PAK3: variants seen among roughly 807,000 people sequenced by gnomAD.
The protein encoded by PAK3 is serine/threonine-protein kinase PAK 3.
PAK3 carries 4 observed loss-of-function variants against 41.0 expected under a neutral mutation model. That is an observed-to-expected ratio of 0.10 (90% CI 0.05 to 0.22). The LOEUF is 0.22. Among genes scored for constraint, PAK3 ranks in the 10% least tolerant of loss-of-function variants. The probability of loss-of-function intolerance (pLI) is 1.00; values close to 1 mark genes in which losing one functional copy is unlikely to be tolerated. For synonymous variants in PAK3, 146 were observed against 139.6 expected, an observed-to-expected ratio of 1.05 and a Z score of -0.32; for missense variants, 205 against 409.9, an observed-to-expected ratio of 0.50 and a Z score of 4.32.
intron 1 of PAK3, among the ~76,000 whole-genome samples, chrX:111,012,604 A>C (rs1322001115): frequency 2.7e-5 from 3 of 112,297 alleles, no homozygotes; most frequent in African/African-American, 9.7e-5. Context: ...AGGCTGGAAA[A>C]GTAAGGTGAG....
intron 4 of PAK3, among the ~76,000 whole-genome samples, chrX:111,106,258 A>G (rs1030483382): frequency 2.7e-5 from 3 of 112,013 alleles, no homozygotes; most frequent in Admixed American, 1.9e-4. Flanking sequence ...GTGCACATAT[A>G]ATGACATGCA....
intron 1 of PAK3, among the ~76,000 whole-genome samples, chrX:110,982,238 C>A (rs768481396): frequency 2.7e-5 from 3 of 111,512 alleles, no homozygotes; most frequent in African/African-American, 9.8e-5. Flanking sequence ...GAAAATAGAA[C>A]GATATATTTG....
At chrX:111,034,826 C>T (rs1015750924) in intron 1 of PAK3, among the ~76,000 whole-genome samples, 1 of 110,822 alleles carries the variant, frequency 9.0e-6, no homozygotes, top group African/African-American at 3.3e-5. Flanking sequence ...GGTGGCTGGG[C>T]GCAGTGGCTC....
intron 1 of PAK3, among the ~76,000 whole-genome samples, chrX:110,990,641 G>GT (rs201342668): frequency 2.1e-4 from 22 of 106,009 alleles, no homozygotes; most frequent in African/African-American, 7.7e-4. Flanking sequence ...GCTGGCAGGA[G>GT]TTAAAAAAAA....
intron 1 of PAK3, among the ~76,000 whole-genome samples, chrX:111,060,541 G>A (rs964469298): frequency 9.0e-5 from 10 of 111,418 alleles, no homozygotes; most frequent in Non-Finnish European, 1.9e-4. Flanking sequence ...CACCAGTGAA[G>A]ACTTCTTGTC....
chrX:111,124,875 G>A (rs201188882), intron 5 of PAK3, among the ~76,000 whole-genome samples: 1 of 106,656 alleles, frequency 9.4e-6, no homozygotes, highest in Non-Finnish European at 1.9e-5. Context: ...CTACTTAAAA[G>A]AAAAAAAAAT....
chrX:111,101,182 T>C (rs1020555301), intron 3 of PAK3, among the ~76,000 whole-genome samples: 3 of 112,054 alleles, frequency 2.7e-5, no homozygotes, highest in African/African-American at 9.8e-5. Context: ...ATGGTAGATA[T>C]GACACAGCAC....
At chrX:111,201,953 G>T (rs1199649075) in intron 16 of PAK3, among the ~76,000 whole-genome samples, 2 of 110,272 alleles carry the variant, frequency 1.8e-5, no homozygotes, top group African/African-American at 6.6e-5. Context: ...GTTGGATTCA[G>T]CACTCTCCTA....
chrX:110,991,273 C>A (rs1390695945), intron 1 of PAK3, among the ~76,000 whole-genome samples: 2 of 112,282 alleles, frequency 1.8e-5, no homozygotes, highest in Non-Finnish European at 3.8e-5. Flanking sequence ...CTTTTCTCAG[C>A]TTTAAATTAC....
upstream of PAK3, among the ~76,000 whole-genome samples, chrX:111,094,080 CTT>C (rs1181572577): frequency 4.0e-5 from 4 of 100,908 alleles, no homozygotes; most frequent in Non-Finnish European, 6.1e-5. Context: ...GATGTGGTTG[CTT>C]TTTTTTTTTA....
Position 111,142,103 on chromosome X carries a change from G to A in PAK3, c.183G>A (p.Lys61=). ...IFPGGGDKTN[K]KKEKERPEIS... The stretch of plus-strand genomic sequence containing the variant: ...TTAACATTTTGCCTTTAGCCAATAA[G>A]AAGAAGGAGAAAGAGCGCCCAGAGA... The change falls in exon 6 of 18, where the codon AAG becomes AAA. Residue 61 remains lysine (K), a synonymous_variant. Coordinates refer to ENST00000372007, the MANE Select transcript of PAK3 (RefSeq NM_002578.5). 6 of 1,175,446 alleles carry A rather than the reference G, an allele frequency of 5.1e-6. No individual in the cohort carries two copies. Among genetic ancestry groups the A allele is most frequent in the Non-Finnish European group, 7.0e-6 (6 of 862,546 alleles).
chrX:111,055,608 G>A (rs898498039), intron 1 of PAK3, among the ~76,000 whole-genome samples: 31 of 112,274 alleles, frequency 2.8e-4, no homozygotes, highest in African/African-American at 8.7e-4. Flanking sequence ...TCAAGCCTGT[G>A]AAACCACTCA....
chrX:111,135,614 G>T (rs1353544541), intron 5 of PAK3, among the ~76,000 whole-genome samples: 3 of 111,410 alleles, frequency 2.7e-5, no homozygotes, highest in African/African-American at 9.8e-5. Context: ...CTAAGAAAGA[G>T]TTGTATGAAA....
rs377391116 is a variant in PAK3, at chrX:111,163,060, G to C, written c.600+14G>C. On this transcript the variant is annotated intron_variant, in intron 9 of 17. Transcript: ENST00000372007. ...CATACAAAATCAGTAAGTCACAAAGGACTATTTCCAAATGATTCAAAAGAT... is the reference window on the plus strand; with the variant it reads ...CATACAAAATCAGTAAGTCACAAAGCACTATTTCCAAATGATTCAAAAGAT... 6.7e-6 allele frequency: 8 copies of C among 1,197,966 alleles called. No homozygotes were observed. In the African/African-American group the frequency reaches 1.4e-4, roughly 21 times the overall value.
intron 17 of PAK3, chrX:111,216,828 C>G: frequency 2.3e-6 from 1 of 429,290 alleles, no homozygotes; most frequent in South Asian, 1.2e-4. Flanking sequence ...GCAATGTGAC[C>G]CTCTGGTGTT....
intron 1 of PAK3, among the ~76,000 whole-genome samples, chrX:111,066,053 A>G (rs191431105): frequency 8.9e-6 from 1 of 111,915 alleles, no homozygotes; most frequent in African/African-American, 3.2e-5. Flanking sequence ...AATTTCATTC[A>G]GCTCTGCTCT....
chrX:111,135,602 C>T (rs1352191816), intron 5 of PAK3, among the ~76,000 whole-genome samples: 2 of 111,298 alleles, frequency 1.8e-5, no homozygotes, highest in Non-Finnish European at 3.8e-5. Context: ...CAGAAATAGA[C>T]TCTAAGAAAG....
At chrX:111,079,560 CTG>C (rs1226665961) in intron 1 of PAK3, among the ~76,000 whole-genome samples, 3 of 112,080 alleles carry the variant, frequency 2.7e-5, no homozygotes, top group Non-Finnish European at 5.6e-5. Flanking sequence ...CTCAAATGTT[CTG>C]ATGGAGATGT....
intron 1 of PAK3, among the ~76,000 whole-genome samples, chrX:111,009,428 C>T (rs1047021558): frequency 2.7e-5 from 3 of 111,682 alleles, no homozygotes; most frequent in Non-Finnish European, 3.8e-5. Context: ...CCACTTCTTG[C>T]CAGGACAGGC....
Sources: gnomAD v4.1 joint callset for allele counts (sites outside exome capture counted in the v4.1 genomes callset) on GRCh38, gnomAD v4.1.1 for gene constraint, MANE v1.5 for transcripts, NCBI Gene and HGNC (gene_info 2026-07-23, HGNC 2026-07-21) for gene names.